The following KRTAP20-1 variants were observed in gnomAD, a reference collection of about 807,000 sequenced individuals.
The protein encoded by KRTAP20-1 is keratin associated protein 20-1.
In KRTAP20-1, 9 loss-of-function variants were observed where a neutral mutation model predicts 6.9. The ratio of observed to expected loss-of-function variants is 1.31; its 90% CI spans 0.79 to 2.29. The LOEUF (loss-of-function observed/expected upper bound fraction) is 2.29, where lower values mean the gene tolerates loss of function less well. Among genes scored for constraint, KRTAP20-1 ranks in the 30% most tolerant of loss-of-function variants. The probability of loss-of-function intolerance (pLI) is 0.00; values close to 1 mark genes in which losing one functional copy is unlikely to be tolerated. For missense variants in KRTAP20-1, 69 were observed against 67.8 expected, an observed-to-expected ratio of 1.02 and a Z score of -0.06; for synonymous variants, 30 against 25.6, an observed-to-expected ratio of 1.17 and a Z score of -0.51.
the KRTAP20-1 span, chr21:30,616,613 T>A: frequency 6.2e-6 from 10 of 1,611,694 alleles, no homozygotes; most frequent in Non-Finnish European, 8.5e-6. Flanking sequence ...ATTGGTCATA[T>A]GGTTTCTACT....
In KRTAP20-1 at chr21:30,616,530, G is replaced by A. The variant is rs1263648090; in HGVS notation, c.76G>A (p.Gly26Ser). The change falls in exon 1 of 1, where the codon GGC (glycine) becomes AGC (serine). Residue 26 changes from glycine (G) to serine (S), a missense_variant. By Grantham distance (56) the Gly-to-Ser change is moderately conservative. Transcript: ENST00000334664. ...CTGTGGCTATGGCTGTGGTTATCGT[G>A]GCTATGGATGTGGTTATGGTGGCTA... ...LGCGYGCGYR[G>S]YGCGYGGYGG... The A allele has an allele frequency of 6.2e-7, 1 of 1,607,198 alleles. No individual in the cohort carries two copies. Among genetic ancestry groups the A allele is most frequent in the Non-Finnish European group, 8.5e-7 (1 of 1,173,816 alleles).
Position 30,616,673 on chromosome 21 carries a change from T to C in KRTAP20-1, c.*48T>C. The C allele has an allele frequency of 1.3e-6, 2 of 1,508,372 alleles. No homozygotes were observed. The highest frequency in any genetic ancestry group is 1.8e-6 in the Non-Finnish European group (2 of 1,109,666). The allele number at this position is 1,508,372 out of a possible 1,614,324, so 93.4% of individuals were successfully genotyped here. A position where few individuals can be genotyped will look rare whatever the true frequency, so the allele number is the denominator to read the frequency against. ...TTGTCTGCTTGTGAAACCTGGATTC[T>C]CATGCTGCTCTTGTTCATCTGATCC... On this transcript the variant is annotated 3_prime_UTR_variant, in exon 1 of 1. Transcript: ENST00000334664.
chr21:30,616,434 G>T lies in KRTAP20-1; in HGVS notation c.-21G>T, dbSNP rs185966658. On this transcript the variant is annotated 5_prime_UTR_variant, in exon 1 of 1. Transcript: ENST00000334664. ...TTCAAGAACATCCTCTTCTACACCT[G>T]AACCATCCATTTCTGACACCATGAT... 2 of 1,600,944 alleles carry T rather than the reference G, an allele frequency of 1.2e-6. No homozygotes were observed. Among genetic ancestry groups the T allele is most frequent in the Non-Finnish European group, 1.7e-6 (2 of 1,171,318 alleles).
rs773842756 is a variant in KRTAP20-1, at chr21:30,616,629, A to G, written c.*4A>G. The G allele has an allele frequency of 6.3e-7, 1 of 1,597,614 alleles. No homozygotes were observed. Among genetic ancestry groups the G allele is most frequent in the Non-Finnish European group, 8.6e-7 (1 of 1,169,096 alleles). On this transcript the variant is annotated 3_prime_UTR_variant, in exon 1 of 1. Coordinates refer to ENST00000334664, the MANE Select transcript of KRTAP20-1 (RefSeq NM_181615.2). ...TTGGTCATATGGTTTCTACTGAACA[A>G]TTCTAGAGCTCACCAGATTTGTCTG...
Position 30,616,675 on chromosome 21 carries a change from A to G in KRTAP20-1, c.*50A>G, listed in dbSNP as rs763453647. 4.0e-6 allele frequency: 6 copies of G among 1,508,234 alleles called. No individual in the cohort carries two copies. Among genetic ancestry groups the G allele is most frequent in the Non-Finnish European group, 5.4e-6 (6 of 1,109,648 alleles). The allele number at this position is 1,508,234 out of a possible 1,614,324, so 93.4% of individuals were successfully genotyped here. On this transcript the variant is annotated 3_prime_UTR_variant, in exon 1 of 1. Coordinates refer to ENST00000334664, the MANE Select transcript of KRTAP20-1 (RefSeq NM_181615.2). ...GTCTGCTTGTGAAACCTGGATTCTC[A>G]TGCTGCTCTTGTTCATCTGATCCTG...
chr21:30,616,674 C>A lies in KRTAP20-1; in HGVS notation c.*49C>A. 6.6e-7 allele frequency: 1 copy of A among 1,509,814 alleles called. No individual in the cohort carries two copies. Among genetic ancestry groups the A allele is most frequent in the South Asian group, 1.3e-5 (1 of 75,954 alleles). The allele number at this position is 1,509,814 out of a possible 1,614,324, so 93.5% of individuals were successfully genotyped here. A position where few individuals can be genotyped will look rare whatever the true frequency, so the allele number is the denominator to read the frequency against. Reference sequence around the variant, plus strand: ...TGTCTGCTTGTGAAACCTGGATTCTCATGCTGCTCTTGTTCATCTGATCCT... The same window carrying A: ...TGTCTGCTTGTGAAACCTGGATTCTAATGCTGCTCTTGTTCATCTGATCCT... On this transcript the variant is annotated 3_prime_UTR_variant, in exon 1 of 1. Transcript: ENST00000334664.
chr21:30,616,570 A>T lies in KRTAP20-1; in HGVS notation c.116A>T (p.Asn39Ile), dbSNP rs1310421285. ...CGYGGYGGYG[N>I]GYYCPSCYGR... ...TATGGTGGCTATGGAGGCTATGGAA[A>T]TGGCTACTACTGCCCATCTTGCTAT... The change falls in exon 1 of 1, where the codon AAT (asparagine) becomes ATT (isoleucine). Residue 39 changes from asparagine (N) to isoleucine (I), a missense_variant. Coordinates refer to ENST00000334664, the MANE Select transcript of KRTAP20-1 (RefSeq NM_181615.2). 6.2e-7 allele frequency: 1 copy of T among 1,613,204 alleles called. No individual in the cohort carries two copies.
Position 30,616,678 on chromosome 21 carries a change from C to T in KRTAP20-1, c.*53C>T. The T allele has an allele frequency of 4.7e-6, 7 of 1,497,076 alleles. No individual in the cohort carries two copies. Among genetic ancestry groups the T allele is most frequent in the Non-Finnish European group, 6.4e-6 (7 of 1,100,516 alleles). 92.7% of individuals were successfully genotyped at this position (1,497,076 alleles called of 1,614,324 possible). A position where few individuals can be genotyped will look rare whatever the true frequency, so the allele number is the denominator to read the frequency against. ...TGCTTGTGAAACCTGGATTCTCATG[C>T]TGCTCTTGTTCATCTGATCCTGTGT... On this transcript the variant is annotated 3_prime_UTR_variant, in exon 1 of 1. Transcript: ENST00000334664.
In KRTAP20-1 at chr21:30,616,454, C is replaced by T; in HGVS notation, c.-1C>T. On this transcript the variant is annotated 5_prime_UTR_variant, in exon 1 of 1. Transcript: ENST00000334664. ...CACCTGAACCATCCATTTCTGACACCATGATTTACTACAGCAACTATTATG... is the reference window on the plus strand; with the variant it reads ...CACCTGAACCATCCATTTCTGACACTATGATTTACTACAGCAACTATTATG... 1.2e-6 allele frequency: 2 copies of T among 1,607,512 alleles called. No homozygotes were observed. The highest frequency in any genetic ancestry group is 1.7e-6 in the Non-Finnish European group (2 of 1,175,566).
At position 30,616,675 on chromosome 21, in the gene KRTAP20-1, A is replaced by C. The variant is rs763453647; in HGVS notation, c.*50A>C. On this transcript the variant is annotated 3_prime_UTR_variant, in exon 1 of 1. Coordinates refer to ENST00000334664, the MANE Select transcript of KRTAP20-1 (RefSeq NM_181615.2). ...GTCTGCTTGTGAAACCTGGATTCTC[A>C]TGCTGCTCTTGTTCATCTGATCCTG... 6.6e-7 allele frequency: 1 copy of C among 1,508,234 alleles called. No individual in the cohort carries two copies. Among genetic ancestry groups the C allele is most frequent in the South Asian group, 1.3e-5 (1 of 75,964 alleles). 93.4% of individuals were successfully genotyped at this position (1,508,234 alleles called of 1,614,324 possible).
Position 30,616,538 on chromosome 21 carries a change from A to C in KRTAP20-1, c.84A>C (p.Gly28=). ...CGYGCGYRGY[G]CGYGGYGGYG... Reference sequence around the variant, plus strand: ...ATGGCTGTGGTTATCGTGGCTATGGATGTGGTTATGGTGGCTATGGAGGCT... The same window carrying C: ...ATGGCTGTGGTTATCGTGGCTATGGCTGTGGTTATGGTGGCTATGGAGGCT... The change falls in exon 1 of 1, where the codon GGA becomes GGC. Residue 28 remains glycine (G), a synonymous_variant. Coordinates refer to ENST00000334664, the MANE Select transcript of KRTAP20-1 (RefSeq NM_181615.2). The C allele has an allele frequency of 6.2e-7, 1 of 1,607,218 alleles. No individual in the cohort carries two copies. Among genetic ancestry groups the C allele is most frequent in the Non-Finnish European group, 8.5e-7 (1 of 1,173,960 alleles).
In KRTAP20-1 at chr21:30,616,604, T is replaced by C. The variant is rs2123611568; in HGVS notation, c.150T>C (p.Tyr50=). ...ACTGCCCATCTTGCTATGGAAGATA[T>C]TGGTCATATGGTTTCTACTGAACAA... ...GYYCPSCYGR[Y]WSYGFY is the part of the protein sequence containing the mutation. Residue 50 remains tyrosine, a synonymous_variant, in exon 1 of 1, where the codon TAT becomes TAC. Transcript: ENST00000334664. The C allele has an allele frequency of 1.2e-6, 2 of 1,612,906 alleles. No individual in the cohort carries two copies. Among genetic ancestry groups the C allele is most frequent in the South Asian group, 1.1e-5 (1 of 90,996 alleles).
chr21:30,616,674 C>T lies in KRTAP20-1; in HGVS notation c.*49C>T. 1.3e-6 allele frequency: 2 copies of T among 1,509,816 alleles called. No individual in the cohort carries two copies. Among genetic ancestry groups the T allele is most frequent in the Non-Finnish European group, 1.8e-6 (2 of 1,111,124 alleles). The allele number at this position is 1,509,816 out of a possible 1,614,324, so 93.5% of individuals were successfully genotyped here. A position where few individuals can be genotyped will look rare whatever the true frequency, so the allele number is the denominator to read the frequency against. The stretch of plus-strand genomic sequence containing the variant: ...TGTCTGCTTGTGAAACCTGGATTCT[C>T]ATGCTGCTCTTGTTCATCTGATCCT... On this transcript the variant is annotated 3_prime_UTR_variant, in exon 1 of 1. Transcript: ENST00000334664.
Position 30,616,549 on chromosome 21 carries a change from G to A in KRTAP20-1, c.95G>A (p.Gly32Asp), listed in dbSNP as rs1382513687. The A allele has an allele frequency of 6.2e-7, 1 of 1,609,822 alleles. No individual in the cohort carries two copies. The highest frequency in any genetic ancestry group is 8.5e-7 in the Non-Finnish European group (1 of 1,176,252). ...TATCGTGGCTATGGATGTGGTTATG[G>A]TGGCTATGGAGGCTATGGAAATGGC... ...CGYRGYGCGY[G>D]GYGGYGNGYY... Residue 32 changes from glycine (G) to aspartate (D), a missense_variant, in exon 1 of 1, where the codon GGT becomes GAT. Transcript: ENST00000334664.
rs1980707005 is a variant in KRTAP20-1 at position 30,616,620 on chromosome 21, T to C, written c.166T>C (p.Tyr56His). The stretch of plus-strand genomic sequence containing the variant: ...TGGAAGATATTGGTCATATGGTTTC[T>C]ACTGAACAATTCTAGAGCTCACCAG... ...CYGRYWSYGF[Y>H] The change falls in exon 1 of 1, where the codon TAC becomes CAC. Residue 56 changes from tyrosine (Y) to histidine (H), a missense_variant. Physicochemically the swap from Tyr to His is moderately conservative, Grantham distance 83. Coordinates refer to ENST00000334664, the MANE Select transcript of KRTAP20-1 (RefSeq NM_181615.2). 1 of 1,609,960 alleles carries C rather than the reference T, an allele frequency of 6.2e-7. No homozygotes were observed. The highest frequency in any genetic ancestry group is 1.7e-5 in the Admixed American group (1 of 59,878).
At position 30,616,465 on chromosome 21, in the gene KRTAP20-1, A is replaced by G. The variant is rs769436567; in HGVS notation, c.11A>G (p.Tyr4Cys). Residue 4 changes from tyrosine (Y) to cysteine (C), a missense_variant, in exon 1 of 1, where the codon TAC becomes TGC. Transcript: ENST00000334664. MIYYSNYYGGYGYG... is the reference protein window; with the variant it reads MIYCSNYYGGYGYG... ...TCCATTTCTGACACCATGATTTACT[A>G]CAGCAACTATTATGGTGGCTATGGG... The G allele has an allele frequency of 3.1e-6, 5 of 1,610,230 alleles. No homozygotes were observed. The East Asian group carries it at 8.9e-5, about 29-fold the overall frequency.
Position 30,616,686 on chromosome 21 carries a change from G to A in KRTAP20-1, c.*61G>A. 6.9e-7 allele frequency: 1 copy of A among 1,442,142 alleles called. No homozygotes were observed. The highest frequency in any genetic ancestry group is 9.5e-7 in the Non-Finnish European group (1 of 1,057,198). 89.3% of individuals were successfully genotyped at this position (1,442,142 alleles called of 1,614,324 possible). On this transcript the variant is annotated 3_prime_UTR_variant, in exon 1 of 1. Transcript: ENST00000334664. ...AAACCTGGATTCTCATGCTGCTCTT[G>A]TTCATCTGATCCTGTGTCTTCAAAA...
chr21:30,616,529 T>C lies in KRTAP20-1; in HGVS notation c.75T>C (p.Arg25=), dbSNP rs936673696. The change falls in exon 1 of 1, where the codon CGT becomes CGC. Residue 25 remains arginine (R), a synonymous_variant. Coordinates refer to ENST00000334664, the MANE Select transcript of KRTAP20-1 (RefSeq NM_181615.2). ...GLGCGYGCGY[R]GYGCGYGGYG... ...GCTGTGGCTATGGCTGTGGTTATCG[T>C]GGCTATGGATGTGGTTATGGTGGCT... The C allele has an allele frequency of 1.9e-6, 3 of 1,607,530 alleles. No individual in the cohort carries two copies. In the African/African-American group the frequency reaches 4.0e-5, roughly 21 times the overall value.
Position 30,616,558 on chromosome 21 carries a change from G to A in KRTAP20-1, c.104G>A (p.Gly35Glu), listed in dbSNP as rs764445785. ...RGYGCGYGGY[G>E]GYGNGYYCPS... ...TATGGATGTGGTTATGGTGGCTATG[G>A]AGGCTATGGAAATGGCTACTACTGC... The change falls in exon 1 of 1, where the codon GGA becomes GAA. Residue 35 changes from glycine (G) to glutamate (E), a missense_variant. Physicochemically the swap from Gly to Glu is moderately conservative, Grantham distance 98. Transcript: ENST00000334664. 1 of 1,611,226 alleles carries A rather than the reference G, an allele frequency of 6.2e-7. No individual in the cohort carries two copies. The highest frequency in any genetic ancestry group is 1.3e-5 in the African/African-American group (1 of 74,974).
Sources: allele counts gnomAD v4.1 joint callset, GRCh38; gene constraint gnomAD v4.1.1; transcripts MANE v1.5; gene names NCBI Gene and HGNC (gene_info 2026-07-23, HGNC 2026-07-21).